Variants in GPHN observed in about 807,000 individuals in gnomAD.
The protein encoded by GPHN is gephyrin.
Under a neutral mutation model 95.5 loss-of-function variants are expected in GPHN, and 17 were observed. The ratio of observed to expected loss-of-function variants is 0.18; its 90% CI spans 0.12 to 0.27. GPHN has a LOEUF of 0.27. Ranked by LOEUF, GPHN falls within the 10% of genes least tolerant of loss-of-function variation. The pLI is 1.00. For synonymous variants in GPHN, 320 were observed against 322.5 expected, an observed-to-expected ratio of 0.99 and a Z score of 0.08; for missense variants, 660 against 978.1, an observed-to-expected ratio of 0.67 and a Z score of 4.34.
chr14:66,779,694 C>T (rs550169445), intron 3 of GPHN, among the ~76,000 whole-genome samples: 2 of 151,966 alleles, frequency 1.3e-5, no homozygotes, highest in South Asian at 4.2e-4. Flanking sequence ...GAAGCATAGA[C>T]ATGAAATAAT....
At position 66,826,426 on chromosome 14, in the gene GPHN, A is replaced by T. The variant is rs558137109; in HGVS notation, c.294+1860A>T. Among the ~76,000 whole-genome samples the T allele has an allele frequency of 2.6e-5, 4 of 152,176 alleles. No individual in the cohort carries two copies. In the East Asian group the frequency reaches 7.8e-4, roughly 29 times the overall value. ...TTTATTTCAATTAAATTCTGACACT[A>T]CCTACCAGGAATTAGTACTAGACTC... is the stretch of plus-strand genomic sequence containing the variant. On this transcript the variant is annotated intron_variant, in intron 4 of 22. Transcript: ENST00000478722.
At chr14:67,275,718 C>T in the GPHN span, among the ~76,000 whole-genome samples, 4 of 152,162 alleles carry the variant, frequency 2.6e-5, no homozygotes, top group African/African-American at 9.7e-5. Flanking sequence ...CTTTGTACCT[C>T]TCGTAGAATT....
chr14:67,604,044 G>A, the GPHN span, among the ~76,000 whole-genome samples: 2 of 150,688 alleles, frequency 1.3e-5, no homozygotes, highest in Admixed American at 6.6e-5. Context: ...CTAGGCAAGA[G>A]TGCAGTAGCA....
chr14:67,426,827 G>A, the GPHN span, among the ~76,000 whole-genome samples: 2 of 152,138 alleles, frequency 1.3e-5, no homozygotes, highest in East Asian at 1.9e-4. Context: ...CACTCAGCTC[G>A]GCCTTGCAAA....
chr14:66,832,239 T>C (rs1043964366), intron 4 of GPHN, among the ~76,000 whole-genome samples: 2 of 152,216 alleles, frequency 1.3e-5, no homozygotes, highest in East Asian at 1.9e-4. Context: ...GATTGATTCA[T>C]TGACTTGCCC....
chr14:67,489,302 C>T, the GPHN span, among the ~76,000 whole-genome samples: 2 of 152,320 alleles, frequency 1.3e-5, no homozygotes, highest in East Asian at 3.9e-4. Flanking sequence ...CACCCTGTCC[C>T]CATACAATGT....
chr14:66,751,222 G>A (rs1288792064), intron 2 of GPHN, among the ~76,000 whole-genome samples: 3 of 151,984 alleles, frequency 2.0e-5, no homozygotes, highest in Non-Finnish European at 4.4e-5. Flanking sequence ...TAATGGGATT[G>A]CTGGGTTGAA....
chr14:66,751,090 C>T (rs1194244319), intron 2 of GPHN, among the ~76,000 whole-genome samples: 2 of 151,750 alleles, frequency 1.3e-5, no homozygotes, highest in Admixed American at 1.3e-4. Context: ...CTTACATTTT[C>T]GTCATGATCT....
chr14:67,475,241 A>G, the GPHN span, among the ~76,000 whole-genome samples: 1 of 152,144 alleles, frequency 6.6e-6, no homozygotes, highest in Non-Finnish European at 1.5e-5. Context: ...TAAAGGCGGA[A>G]TCATATTCCA....
At chr14:67,146,035 A>G (rs188574323) in intron 18 of GPHN, among the ~76,000 whole-genome samples, 1 of 152,306 alleles carries the variant, frequency 6.6e-6, no homozygotes, top group African/African-American at 2.4e-5. Context: ...CATCTAGAGT[A>G]TTCTTATAGT....
the GPHN span, chr14:67,724,460 C>G: frequency 6.4e-7 from 1 of 1,552,662 alleles, no homozygotes; most frequent in Non-Finnish European, 8.8e-7. Context: ...GCTCTTGTTT[C>G]CCTTGCCGAT....
chr14:66,543,303 A>G (rs1374386381), intron 1 of GPHN, among the ~76,000 whole-genome samples: 2 of 152,166 alleles, frequency 1.3e-5, no homozygotes, highest in Non-Finnish European at 2.9e-5. Context: ...TCATATTGCT[A>G]AATCTCAAGT....
the GPHN span, among the ~76,000 whole-genome samples, chr14:67,493,726 C>T: frequency 2.0e-5 from 3 of 151,988 alleles, no homozygotes; most frequent in African/African-American, 7.3e-5. Context: ...ATACATGCTC[C>T]AATCAGAGCC....
intron 5 of GPHN, among the ~76,000 whole-genome samples, chr14:66,883,936 C>G (rs957191519): frequency 1.3e-5 from 2 of 152,086 alleles, no homozygotes; most frequent in Admixed American, 6.6e-5. Context: ...TTCTTTAGCT[C>G]TCTTCTTTTC....
intron 1 of GPHN, among the ~76,000 whole-genome samples, chr14:66,524,823 G>T (rs1247809066): frequency 6.6e-6 from 1 of 152,110 alleles, no homozygotes; most frequent in Non-Finnish European, 1.5e-5. Flanking sequence ...CAAAGGACCT[G>T]AACTCATCCT....
At chr14:67,730,302 CCACTAGCCA>C in the GPHN span, among the ~76,000 whole-genome samples, 1 of 152,174 alleles carries the variant, frequency 6.6e-6, no homozygotes, top group South Asian at 2.1e-4. Flanking sequence ...AGTATGGTAG[CCACTAGCCA>C]CATGTTGCTA....
chr14:67,434,972 T>C, the GPHN span, among the ~76,000 whole-genome samples: 13 of 145,440 alleles, frequency 8.9e-5, no homozygotes, highest in Admixed American at 7.6e-4. Flanking sequence ...CTCTCTCTCT[T>C]TTTTTTTTTT....
intron 10 of GPHN, among the ~76,000 whole-genome samples, chr14:67,029,994 T>C (rs1388735781): frequency 6.6e-6 from 1 of 151,498 alleles, no homozygotes; most frequent in African/African-American, 2.4e-5. Context: ...AGCTCTTTTT[T>C]TTTTTTTTTT....
chr14:67,502,983 A>C, the GPHN span, among the ~76,000 whole-genome samples: 1 of 152,142 alleles, frequency 6.6e-6, no homozygotes, highest in Non-Finnish European at 1.5e-5. Context: ...AACTGAAGGG[A>C]TATCATCCGG....
Sources: allele counts gnomAD v4.1 joint callset (sites outside exome capture counted in the v4.1 genomes callset), GRCh38; gene constraint gnomAD v4.1.1; transcripts MANE v1.5; gene names NCBI Gene and HGNC (gene_info 2026-07-23, HGNC 2026-07-21).